CFAP73: variants seen among roughly 807,000 people sequenced by gnomAD.
CFAP73 encodes cilia- and flagella-associated protein 73.
In CFAP73, 33 loss-of-function variants were observed where a neutral mutation model predicts 42.9. The observed-to-expected ratio is 0.77, with a 90% confidence interval of 0.58 to 1.03. CFAP73 has a LOEUF of 1.03. Ranked by LOEUF, CFAP73 falls within the 50% of genes least tolerant of loss-of-function variation. The pLI is 0.00. For missense variants in CFAP73, 392 were observed against 411.9 expected (o/e 0.95, Z 0.42); for synonymous variants, 162 against 186.8 (o/e 0.87, Z 1.08).
intron 1 of CFAP73, 79 bp from the exon 2 acceptor site, chr12:113,151,839 G>A: frequency 3.2e-6 from 3 of 945,912 alleles, no homozygotes; most frequent in Non-Finnish European, 4.7e-6. Context: ...GGCTAATGGG[G>A]CACTCCAGAC....
At position 113,152,738 on chromosome 12, in the gene CFAP73, C is replaced by T. The variant is rs571800920; in HGVS notation, c.163-45C>T. The T allele has an allele frequency of 5.0e-6, 7 of 1,399,406 alleles. No individual in the cohort carries two copies. The African/African-American group carries it at 1.0e-4, about 20-fold the overall frequency. 86.7% of individuals were successfully genotyped at this position (1,399,406 alleles called of 1,614,324 possible). On this transcript the variant is annotated intron_variant, in intron 2 of 7. Coordinates refer to ENST00000335621, the MANE Select transcript of CFAP73 (RefSeq NM_001144872.3). ...GTGTGAACCTGACAGCATGGGAGGA[C>T]CCGGACCCCCGAACCCACACAGACA...
chr12:113,157,888 A>T, intron 7 of CFAP73, 198 bp downstream of exon 7: 2 of 592,498 alleles, frequency 3.4e-6, no homozygotes, highest in South Asian at 2.0e-5. Context: ...CCTGATGAGG[A>T]GGTGATGGGA....
chr12:113,150,031 T>A, intron 1 of CFAP73, 118 bp downstream of exon 1: 12 of 913,778 alleles, frequency 1.3e-5, no homozygotes, highest in Non-Finnish European at 1.7e-5. Flanking sequence ...TGGGGGTTAT[T>A]GTCCCCACTT....
chr12:113,152,137 C>A, intron 2 of CFAP73, 114 bp downstream of exon 2: 1 of 710,184 alleles, frequency 1.4e-6, no homozygotes, highest in Non-Finnish European at 2.4e-6. Context: ...GCCTTGATTT[C>A]CTCATCGTCA....
chr12:113,157,510 G>C, intron 6 of CFAP73, 92 bp from the exon 7 acceptor site: 1 of 997,818 alleles, frequency 1.0e-6, no homozygotes, highest in Non-Finnish European at 1.5e-6. Context: ...TCCAGTCCCC[G>C]CCCTACCTTT....
rs1384347494 is a variant in CFAP73 at position 113,154,189 on chromosome 12, G to C, written c.469-225G>C. Among the ~76,000 whole-genome samples the C allele has an allele frequency of 1.3e-5, 2 of 152,096 alleles. No individual in the cohort carries two copies. Reference sequence around the variant, plus strand: ...AGCTACTTTGGAGCGGAGATGGGAGGATCGCTTGAGCCCAGGAGTTCAAGA... The same window carrying C: ...AGCTACTTTGGAGCGGAGATGGGAGCATCGCTTGAGCCCAGGAGTTCAAGA... On this transcript the variant is annotated intron_variant, in intron 4 of 7. Coordinates refer to ENST00000335621, the MANE Select transcript of CFAP73 (RefSeq NM_001144872.3). This position sits in a 1 kb window ranked among gnomAD's most constrained non-coding sequence, Gnocchi z 4.7.
At position 113,154,774 on chromosome 12, in the gene CFAP73, G is replaced by A; in HGVS notation, c.690+139G>A. ...GCTGCACTAAGGAGGGGAATCTCAG[G>A]CATCACCGAGCCGTTTCGGGCATGA... On this transcript the variant is annotated intron_variant, in intron 5 of 7. Coordinates refer to ENST00000335621, the MANE Select transcript of CFAP73 (RefSeq NM_001144872.3). This position sits in a 1 kb window ranked among gnomAD's most constrained non-coding sequence, Gnocchi z 4.7. The A allele has an allele frequency of 1.5e-6, 2 of 1,324,926 alleles. No individual in the cohort carries two copies. The highest frequency in any genetic ancestry group is 1.9e-6 in the Non-Finnish European group (2 of 1,041,844). The allele number at this position is 1,324,926 out of a possible 1,614,324, so 82.1% of individuals were successfully genotyped here. A position where few individuals can be genotyped will look rare whatever the true frequency, so the allele number is the denominator to read the frequency against.
Position 113,159,252 on chromosome 12 carries a change from G to T in CFAP73, c.*563G>T. On this transcript the variant is annotated 3_prime_UTR_variant, in exon 8 of 8. Coordinates refer to ENST00000335621, the MANE Select transcript of CFAP73 (RefSeq NM_001144872.3). ...GCCCAGTGTCTGTACACAGTAGGTGGCTAATAAAGTTTTAGGCAGCCTCAT... is the reference window on the plus strand; with the variant it reads ...GCCCAGTGTCTGTACACAGTAGGTGTCTAATAAAGTTTTAGGCAGCCTCAT... The T allele has an allele frequency of 1.1e-6, 1 of 946,370 alleles. No individual in the cohort carries two copies. The highest frequency in any genetic ancestry group is 1.5e-6 in the Non-Finnish European group (1 of 657,860). 58.6% of individuals were successfully genotyped at this position (946,370 alleles called of 1,614,324 possible).
chr12:113,152,814 A>G lies in CFAP73; in HGVS notation c.194A>G (p.Gln65Arg). 1.3e-6 allele frequency: 2 copies of G among 1,551,678 alleles called. No homozygotes were observed. The highest frequency in any genetic ancestry group is 1.2e-5 in the South Asian group (1 of 84,064). ...CGCACCAAGACGGCAGCCCTGAAAC[A>G]GCGTTGGGAACAGCTGGAACAAAAG... Reference protein sequence around the residue: ...VFRTKTAALKQRWEQLEQKER... With the variant: ...VFRTKTAALKRRWEQLEQKER... The change falls in exon 3 of 8, where the codon CAG becomes CGG. Residue 65 changes from glutamine to arginine, a missense_variant. Transcript: ENST00000335621.
chr12:113,154,622 G>A lies in CFAP73; in HGVS notation c.677G>A (p.Arg226His), dbSNP rs1476529333. ...LQERLEAARE[R>H]TLQWESKWIQ... ...GAGCGCCTGGAGGCTGCCAGGGAGC[G>A]TACGCTGCAGTGGGTACGACCCGCC... The change falls in exon 5 of 8, where the codon CGT becomes CAT. Residue 226 changes from arginine to histidine, a missense_variant. Coordinates refer to ENST00000335621, the MANE Select transcript of CFAP73 (RefSeq NM_001144872.3). This position sits in a 1 kb window ranked among gnomAD's most constrained non-coding sequence, Gnocchi z 4.7. 28 of 1,410,254 alleles carry A rather than the reference G, an allele frequency of 2.0e-5. 1 individual carries two copies. In the South Asian group the frequency reaches 4.4e-4, roughly 22 times the overall value. 87.4% of individuals were successfully genotyped at this position (1,410,254 alleles called of 1,614,324 possible).
chr12:113,155,541 C>G (rs1264002425), intron 6 of CFAP73, 123 bp downstream of exon 6: 5 of 1,092,614 alleles, frequency 4.6e-6, no homozygotes, highest in Non-Finnish European at 6.3e-6. Flanking sequence ...CGGTCAGAGC[C>G]CTTGCCCCAG....
In CFAP73 at chr12:113,158,034, C is replaced by A. The variant is rs1952155858; in HGVS notation, c.*11+344C>A. On this transcript the variant is annotated intron_variant, in intron 7 of 7. Coordinates refer to ENST00000335621, the MANE Select transcript of CFAP73 (RefSeq NM_001144872.3). The surrounding 1 kb of genome is among the most constrained non-coding windows in gnomAD (Gnocchi z 4.9). Reference sequence around the variant, plus strand: ...AGGGTCCATGCTAGATGAGAGATCACCAAGGCCCCCTCCACTATGGACTCT... The same window carrying A: ...AGGGTCCATGCTAGATGAGAGATCAACAAGGCCCCCTCCACTATGGACTCT... 1 of 251,682 alleles carries A rather than the reference C, an allele frequency of 4.0e-6. No individual in the cohort carries two copies. Among genetic ancestry groups the A allele is most frequent in the Non-Finnish European group, 7.8e-6 (1 of 128,256 alleles). 15.6% of individuals were successfully genotyped at this position (251,682 alleles called of 1,614,324 possible).
At chr12:113,151,324 A>C (rs759541015) in intron 1 of CFAP73, among the ~76,000 whole-genome samples, 1 of 152,188 alleles carries the variant, frequency 6.6e-6, no homozygotes, top group Non-Finnish European at 1.5e-5. Flanking sequence ...TCTACTAAAA[A>C]TACAGAAATT....
chr12:113,155,615 G>A (rs1051609289), intron 6 of CFAP73, among the ~76,000 whole-genome samples, 197 bp downstream of exon 6: 2 of 152,072 alleles, frequency 1.3e-5, no homozygotes, highest in African/African-American at 4.8e-5. Context: ...TCTTGGCTCT[G>A]ACAGTGGCCA....
At chr12:113,150,262 A>G (rs1001325356) in intron 1 of CFAP73, among the ~76,000 whole-genome samples, 18 of 152,322 alleles carry the variant, frequency 1.2e-4, no homozygotes, top group African/African-American at 4.3e-4. Context: ...CTTCATGTTC[A>G]GCAGCATGGC....
chr12:113,152,250 G>A (rs1204131190), intron 2 of CFAP73, among the ~76,000 whole-genome samples: 1 of 152,232 alleles, frequency 6.6e-6, no homozygotes, highest in African/African-American at 2.4e-5. Flanking sequence ...GATAGTCCCT[G>A]GCCTTGTGGG....
In CFAP73 at chr12:113,152,822, G is replaced by C. The variant is rs1353479558; in HGVS notation, c.202G>C (p.Glu68Gln). The C allele has an allele frequency of 9.0e-6, 14 of 1,551,590 alleles. No homozygotes were observed. The highest frequency in any genetic ancestry group is 1.2e-5 in the Non-Finnish European group (14 of 1,146,998). Residue 68 changes from glutamate to glutamine, a missense_variant, in exon 3 of 8, where the codon GAA becomes CAA. Coordinates refer to ENST00000335621, the MANE Select transcript of CFAP73 (RefSeq NM_001144872.3). Reference protein sequence around the residue: ...TKTAALKQRWEQLEQKERELK... With the variant: ...TKTAALKQRWQQLEQKERELK... Reference sequence around the variant, plus strand: ...GACGGCAGCCCTGAAACAGCGTTGGGAACAGCTGGAACAAAAGGAGCGGGA... The same window carrying C: ...GACGGCAGCCCTGAAACAGCGTTGGCAACAGCTGGAACAAAAGGAGCGGGA...
In CFAP73 at chr12:113,154,534, C is replaced by G. The variant is rs1245085047; in HGVS notation, c.589C>G (p.Gln197Glu). The G allele has an allele frequency of 6.7e-7, 1 of 1,496,670 alleles. No homozygotes were observed. The highest frequency in any genetic ancestry group is 2.3e-5 in the Admixed American group (1 of 43,438). The allele number at this position is 1,496,670 out of a possible 1,614,324, so 92.7% of individuals were successfully genotyped here. The change falls in exon 5 of 8, where the codon CAG becomes GAG. Residue 197 changes from glutamine to glutamate, a missense_variant. Transcript: ENST00000335621. This position sits in a 1 kb window ranked among gnomAD's most constrained non-coding sequence, Gnocchi z 4.7. ...GGAGGCGGCGCGAGCGCGGCTGCAGCAGCTGCGGGACGCCTGGCCGGACGA... is the reference window on the plus strand; with the variant it reads ...GGAGGCGGCGCGAGCGCGGCTGCAGGAGCTGCGGGACGCCTGGCCGGACGA... ...ELEAARARLQQLRDAWPDEVL... is the reference protein window; with the variant it reads ...ELEAARARLQELRDAWPDEVL...
rs367566780 is a variant in CFAP73, at chr12:113,158,966, G to A, written c.*277G>A. 9 of 1,611,046 alleles carry A rather than the reference G, an allele frequency of 5.6e-6. No individual in the cohort carries two copies. The highest frequency in any genetic ancestry group is 2.2e-5 in the East Asian group (1 of 44,836). On this transcript the variant is annotated 3_prime_UTR_variant, in exon 8 of 8. Transcript: ENST00000335621. This position sits in a 1 kb window ranked among gnomAD's most constrained non-coding sequence, Gnocchi z 4.9. The stretch of plus-strand genomic sequence containing the variant: ...AGCTCCTGGACGCGGCGGCGGTTGC[G>A]GGCAGAGAGCTGCTTGAGGCCACCA...
Sources: allele counts gnomAD v4.1 joint callset (sites outside exome capture counted in the v4.1 genomes callset), GRCh38; gene constraint gnomAD v4.1.1; non-coding constraint Gnocchi (gnomAD v3.1); transcripts MANE v1.5; gene names NCBI Gene and HGNC (gene_info 2026-07-23, HGNC 2026-07-21).